The following TOPORS variants were observed in gnomAD, a reference collection of about 807,000 sequenced individuals.
The protein encoded by TOPORS is TOP1 binding arginine/serine rich protein, E3 ubiquitin ligase, also known as E3 ubiquitin-protein ligase Topors.
In TOPORS, 25 loss-of-function variants were observed where a neutral mutation model predicts 81.4. The observed-to-expected ratio is 0.31, with a 90% CI of 0.22 to 0.43. The LOEUF is 0.43. Ranked by LOEUF, TOPORS falls within the 20% of genes least tolerant of loss-of-function variation. TOPORS has a pLI of 1.00. For synonymous variants in TOPORS, 473 were observed against 456.6 expected (o/e 1.04, Z -0.46); for missense variants, 1,101 against 1,267.0 (o/e 0.87, Z 1.99).
intron 2 of TOPORS, among the ~76,000 whole-genome samples, chr9:32,545,870 G>A (rs1011418038): frequency 1.3e-5 from 2 of 152,080 alleles, no homozygotes; most frequent in African/African-American, 4.8e-5. Context: ...GTCAACTGGG[G>A]TCAAGTTAAT....
At chr9:32,552,299 G>T (rs1758072794) in intron 1 of TOPORS, 135 bp downstream of exon 1, 3 of 1,302,628 alleles carry the variant, frequency 2.3e-6, no homozygotes, top group Non-Finnish European at 3.3e-6. Flanking sequence ...CAGCGACAGC[G>T]CTGCACGAAG....
At position 32,541,300 on chromosome 9, in the gene TOPORS, G is replaced by T; in HGVS notation, c.*87C>A. On this transcript the variant is annotated 3_prime_UTR_variant, in exon 3 of 3. Coordinates refer to ENST00000360538, the MANE Select transcript of TOPORS (RefSeq NM_005802.5). ...AGGAGGAAGAGAGTTTTCACCAAAT[G>T]TCATCTTTAAATAGACTGCAGTAGA... 1 of 1,314,928 alleles carries T rather than the reference G, an allele frequency of 7.6e-7. No individual in the cohort carries two copies. Among genetic ancestry groups the T allele is most frequent in the Non-Finnish European group, 1.1e-6 (1 of 932,204 alleles). The allele number at this position is 1,314,928 out of a possible 1,614,324, so 81.5% of individuals were successfully genotyped here. A position where few individuals can be genotyped will look rare whatever the true frequency, so the allele number is the denominator to read the frequency against.
chr9:32,543,794 T>C lies in TOPORS; in HGVS notation c.731A>G (p.Glu244Gly), dbSNP rs1587622503. 6.2e-7 allele frequency: 1 copy of C among 1,612,620 alleles called. No individual in the cohort carries two copies. Among genetic ancestry groups the C allele is most frequent in the East Asian group, 2.2e-5 (1 of 44,856 alleles). The stretch of plus-strand genomic sequence containing the variant: ...TTCTTGAATTTTCCGCAAAGATCTT[T>C]CATCTGCCGTAGTTGGCCTCCTTAC... ...IAVRRPTTAD[E>G]RSLRKIQEQD... The change falls in exon 3 of 3, where the codon GAA (glutamate) becomes GGA (glycine). Residue 244 changes from glutamate to glycine, a missense_variant. By Grantham distance (98) the Glu-to-Gly change is moderately conservative. Around this residue, in one of 9 missense-constraint regions of TOPORS, gnomAD observed 120 missense variants for 115.4 expected, o/e 1.04. Transcript: ENST00000360538. The surrounding 1 kb of genome is among the most constrained non-coding windows in gnomAD (Gnocchi z 5.6).
chr9:32,551,813 G>A, intron 1 of TOPORS: 1 of 449,508 alleles, frequency 2.2e-6, no homozygotes, highest in Non-Finnish European at 4.5e-6. Context: ...GGCGGGTAAC[G>A]CGTCCCACGT....
At position 32,543,402 on chromosome 9, in the gene TOPORS, C is replaced by A. The variant is rs1173654620; in HGVS notation, c.1123G>T (p.Asp375Tyr). ...TCTTCGTATGAAGGAGCAGGGCAAT[C>A]ATAATTGGCATGCTGGTCAAAGGCT... ...MAAFDQHANY[D>Y]CPAPSYEEGS... The change falls in exon 3 of 3, where the codon GAT (aspartate) becomes TAT (tyrosine). Residue 375 changes from aspartate (D) to tyrosine (Y), a missense_variant. Asp to Tyr is a radical substitution (Grantham distance 160). Coordinates refer to ENST00000360538, the MANE Select transcript of TOPORS (RefSeq NM_005802.5). This position sits in a 1 kb window ranked among gnomAD's most constrained non-coding sequence, Gnocchi z 5.6. 1 of 1,613,652 alleles carries A rather than the reference C, an allele frequency of 6.2e-7. No homozygotes were observed. Among genetic ancestry groups the A allele is most frequent in the Non-Finnish European group, 8.5e-7 (1 of 1,179,758 alleles).
chr9:32,546,640 T>C (rs1821143642), intron 2 of TOPORS, among the ~76,000 whole-genome samples: 1 of 152,166 alleles, frequency 6.6e-6, no homozygotes, highest in Non-Finnish European at 1.5e-5. Context: ...TGAAAATGAA[T>C]TTATTAAAGG....
chr9:32,542,488 T>C lies in TOPORS; in HGVS notation c.2037A>G (p.Lys679=). The change falls in exon 3 of 3, where the codon AAA becomes AAG. Residue 679 remains lysine, a synonymous_variant. Transcript: ENST00000360538. ...CTCTATTTCTGCTCCGTGATCTTCT[T>C]TTACCATGATCACTGCTACGAGACC... is the stretch of plus-strand genomic sequence containing the variant. ...RSRSRSSDHG[K]RRSRSRNRDR... 6.2e-7 allele frequency: 1 copy of C among 1,613,896 alleles called. No homozygotes were observed. The highest frequency in any genetic ancestry group is 8.5e-7 in the Non-Finnish European group (1 of 1,180,010).
Position 32,542,605 on chromosome 9 carries a change from T to A in TOPORS, c.1920A>T (p.Arg640Ser). Residue 640 changes from arginine (R) to serine (S), a missense_variant, in exon 3 of 3, where the codon AGA (arginine) becomes AGT (serine). Arg to Ser is a moderately radical substitution (Grantham distance 110). Coordinates refer to ENST00000360538, the MANE Select transcript of TOPORS (RefSeq NM_005802.5). ...RSRESSRPRGRRDKKRSRTRD... is the reference protein window; with the variant it reads ...RSRESSRPRGSRDKKRSRTRD... ...TAGTTCTTGATCTCTTTTTGTCTCT[T>A]CTCCCTCTAGGTCTGCTACTTTCCC... 1 of 1,614,124 alleles carries A rather than the reference T, an allele frequency of 6.2e-7. No homozygotes were observed. Among genetic ancestry groups the A allele is most frequent in the Non-Finnish European group, 8.5e-7 (1 of 1,180,012 alleles).
intron 2 of TOPORS, among the ~76,000 whole-genome samples, chr9:32,545,240 G>A (rs1294147141): frequency 6.6e-6 from 1 of 151,880 alleles, no homozygotes; most frequent in South Asian, 2.1e-4. Flanking sequence ...CCTTCCTTTA[G>A]CTTTTTTCTT....
Position 32,542,051 on chromosome 9 carries a change from T to G in TOPORS, c.2474A>C (p.Tyr825Ser), listed in dbSNP as rs1305646771. 1.9e-6 allele frequency: 3 copies of G among 1,614,172 alleles called. No homozygotes were observed. In the South Asian group the frequency reaches 3.3e-5, roughly 18 times the overall value. The change falls in exon 3 of 3, where the codon TAC becomes TCC. Residue 825 changes from tyrosine to serine, a missense_variant. Coordinates refer to ENST00000360538, the MANE Select transcript of TOPORS (RefSeq NM_005802.5). ...EFASKAKDSH[Y>S]QKSSSKLDGN... ...ATCCAATTTTGATGAAGATTTTTGG[T>G]AATGACTGTCCTTTGCTTTAGAAGC...
In TOPORS at chr9:32,551,262, C is replaced by T. The variant is rs925177544; in HGVS notation, c.4-294G>A. ...CTAACTTACCCGGAAAACACGAGAA[C>T]TAGTTCGATGTCGTTTCAACCTTAC... On this transcript the variant is annotated intron_variant, in intron 1 of 2. Transcript: ENST00000360538. 44 of 562,796 alleles carry T rather than the reference C, an allele frequency of 7.8e-5. 1 individual carries two copies. The highest frequency in any genetic ancestry group is 1.3e-4 in the Non-Finnish European group (41 of 312,380). 34.9% of individuals were successfully genotyped at this position (562,796 alleles called of 1,614,324 possible).
At chr9:32,551,180 C>T (rs1821247614) in intron 1 of TOPORS, 2 of 632,946 alleles carry the variant, frequency 3.2e-6, no homozygotes, top group South Asian at 3.6e-5. Flanking sequence ...GCAGCGCGAC[C>T]CTCCCCATCT....
rs199640607 is a variant in TOPORS at position 32,543,799 on chromosome 9, T to C, written c.726A>G (p.Ala242=). ...RQIAVRRPTT[A]DERSLRKIQE... ...GAATTTTCCGCAAAGATCTTTCATCTGCCGTAGTTGGCCTCCTTACTGCAA... is the reference window on the plus strand; with the variant it reads ...GAATTTTCCGCAAAGATCTTTCATCCGCCGTAGTTGGCCTCCTTACTGCAA... Residue 242 remains alanine (A), a synonymous_variant, in exon 3 of 3, where the codon GCA becomes GCG. Coordinates refer to ENST00000360538, the MANE Select transcript of TOPORS (RefSeq NM_005802.5). The surrounding 1 kb of genome is among the most constrained non-coding windows in gnomAD (Gnocchi z 5.6). 6.2e-7 allele frequency: 1 copy of C among 1,612,872 alleles called. No homozygotes were observed. The highest frequency in any genetic ancestry group is 2.2e-5 in the East Asian group (1 of 44,858).
At chr9:32,552,047 A>G (rs1257249505) in intron 1 of TOPORS, among the ~76,000 whole-genome samples, 3 of 152,092 alleles carry the variant, frequency 2.0e-5, no homozygotes, top group Non-Finnish European at 2.9e-5. Flanking sequence ...AGCCAGACGT[A>G]ATATTTAAAA....
At position 32,541,881 on chromosome 9, in the gene TOPORS, G is replaced by A; in HGVS notation, c.2644C>T (p.His882Tyr). 6.2e-7 allele frequency: 1 copy of A among 1,613,908 alleles called. No homozygotes were observed. Among genetic ancestry groups the A allele is most frequent in the Non-Finnish European group, 8.5e-7 (1 of 1,179,988 alleles). Residue 882 changes from histidine (H) to tyrosine (Y), a missense_variant, in exon 3 of 3, where the codon CAT (histidine) becomes TAT (tyrosine). Around this residue, in one of 9 missense-constraint regions of TOPORS, gnomAD observed 605 missense variants for 636.1 expected, o/e 0.95. Coordinates refer to ENST00000360538, the MANE Select transcript of TOPORS (RefSeq NM_005802.5). Reference sequence around the variant, plus strand: ...TTATGTTTCTTCTTTTTCTTTTTATGGTGTTTAGTTGTATCAGTAGCTTTT... The same window carrying A: ...TTATGTTTCTTCTTTTTCTTTTTATAGTGTTTAGTTGTATCAGTAGCTTTT... ...EGKATDTTKH[H>Y]KKKKKKHKKK...
intron 1 of TOPORS, 134 bp from the exon 2 acceptor site, chr9:32,551,102 C>T: frequency 1.8e-6 from 2 of 1,141,168 alleles, no homozygotes; most frequent in Non-Finnish European, 2.5e-6. Context: ...ACGCCGGCCT[C>T]GGGGGCGGGG....
Position 32,550,959 on chromosome 9 carries a change from G to T in TOPORS, c.13C>A (p.Pro5Thr). The change falls in exon 2 of 3, where the codon CCG becomes ACG. Residue 5 changes from proline to threonine, a missense_variant. Coordinates refer to ENST00000360538, the MANE Select transcript of TOPORS (RefSeq NM_005802.5). MGSQ[P>T]PLGSPLSREE... ...CGAGACAGCGGAGACCCCAGCGGCG[G>T]CTGCGACCCCTGTGACGCAAAGGGC... The T allele has an allele frequency of 6.2e-7, 1 of 1,610,948 alleles. No homozygotes were observed. The highest frequency in any genetic ancestry group is 2.2e-5 in the East Asian group (1 of 44,862).
At position 32,541,944 on chromosome 9, in the gene TOPORS, T is replaced by C. The variant is rs974277284; in HGVS notation, c.2581A>G (p.Lys861Glu). Reference protein sequence around the residue: ...RETKHKRRKRKTRSLSVEIVY... With the variant: ...RETKHKRRKRETRSLSVEIVY... ...ATCTCTACACTTAGGCTCCGGGTCT[T>C]CCTTTTTCTCCTTTTGTGTTTTGTC... The change falls in exon 3 of 3, where the codon AAG (lysine) becomes GAG (glutamate). Residue 861 changes from lysine (K) to glutamate (E), a missense_variant. Physicochemically the swap from Lys to Glu is moderately conservative, Grantham distance 56. Coordinates refer to ENST00000360538, the MANE Select transcript of TOPORS (RefSeq NM_005802.5). 2 of 1,613,300 alleles carry C rather than the reference T, an allele frequency of 1.2e-6. No homozygotes were observed. The highest frequency in any genetic ancestry group is 1.7e-5 in the Admixed American group (1 of 59,816).
At chr9:32,551,029 A>AC (rs1334560799) in intron 1 of TOPORS, 61 bp from the exon 2 acceptor site, 13 of 1,563,808 alleles carry the variant, frequency 8.3e-6, no homozygotes, top group African/African-American at 6.8e-5. Context: ...AGCGAGACCC[A>AC]CCCCCCAGCT....
Sources: gnomAD v4.1 joint callset for allele counts (sites outside exome capture counted in the v4.1 genomes callset) on GRCh38, gnomAD v4.1.1 for gene constraint, gnomAD v4.1.1 regional missense constraint, Gnocchi (gnomAD v3.1) non-coding constraint, MANE v1.5 for transcripts, NCBI Gene and HGNC (gene_info 2026-07-23, HGNC 2026-07-21) for gene names.